The following EEA1 variants were observed in gnomAD, a reference collection of about 807,000 sequenced individuals.
The protein encoded by EEA1 is early endosome antigen 1.
EEA1 carries 111 observed loss-of-function variants against 209.2 expected under a neutral mutation model. The ratio of observed to expected loss-of-function variants is 0.53; its 90% CI spans 0.45 to 0.62. EEA1 has a LOEUF of 0.62. Among genes scored for constraint, EEA1 ranks in the 20% least tolerant of loss-of-function variants. The pLI is 0.00. For missense variants in EEA1, 1,343 were observed against 1,530.8 expected (o/e 0.88, Z 2.05); for synonymous variants, 536 against 540.6 (o/e 0.99, Z 0.12).
At position 92,805,743 on chromosome 12, in the gene EEA1, C is replaced by T. The variant is rs74976548; in HGVS notation, c.2340-3009G>A. Reference sequence around the variant, plus strand: ...AGACTAATTCTACCTTGGGAGTGAACGAATGATGCTGCAGCTAAGCACTTC... The same window carrying T: ...AGACTAATTCTACCTTGGGAGTGAATGAATGATGCTGCAGCTAAGCACTTC... On this transcript the variant is annotated intron_variant, in intron 18 of 28. Transcript: ENST00000322349. Among the ~76,000 whole-genome samples the T allele has an allele frequency of 3.6e-3, 555 of 152,214 alleles. 2 individuals are homozygous for T. Among genetic ancestry groups the T allele is most frequent in the African/African-American group, 0.013 (530 of 41,516 alleles).
Position 92,779,295 on chromosome 12 carries a change from T to C in EEA1, c.3474A>G (p.Ile1158Met), listed in dbSNP as rs1384427094. 6.3e-7 allele frequency: 1 copy of C among 1,584,692 alleles called. No individual in the cohort carries two copies. Among genetic ancestry groups the C allele is most frequent in the Non-Finnish European group, 8.5e-7 (1 of 1,172,552 alleles). The change falls in exon 25 of 29, where the codon ATA becomes ATG. Residue 1158 changes from isoleucine (I) to methionine (M), a missense_variant. This residue lies in a region of EEA1 where 1,307 missense variants were observed against 1,465.5 expected (regional missense o/e 0.89). Transcript: ENST00000322349. ...KSHKLESIKEITNLKDAKQLL... is the reference protein window; with the variant it reads ...KSHKLESIKEMTNLKDAKQLL... ...GCTGTTTAGCATCTTTAAGATTTGT[T>C]ATCTCCTGTTGAAAAAGTAGGGCCA...
Position 92,896,059 on chromosome 12 carries a change from C to A in EEA1, c.25-4338G>T, listed in dbSNP as rs185411015. Among the ~76,000 whole-genome samples the A allele has an allele frequency of 5.8e-3, 881 of 151,992 alleles. 7 individuals are homozygous for A. The highest frequency in any genetic ancestry group is 0.02 in the African/African-American group (842 of 41,428). On this transcript the variant is annotated intron_variant, in intron 1 of 28. Transcript: ENST00000322349. ...TGTGATCTCAGCTCACTGCAACCTC[C>A]ACCTCCCAGGTTCAAGCGATTCTCC... is the stretch of plus-strand genomic sequence containing the variant.
At chr12:92,857,538 A>G in intron 3 of EEA1, 53 bp from the exon 4 acceptor site, 3 of 1,204,126 alleles carry the variant, frequency 2.5e-6, no homozygotes, top group East Asian at 5.0e-5. Flanking sequence ...TAATTAACAA[A>G]CTGGTCTTAA....
At chr12:92,864,544 TAA>T in intron 3 of EEA1, among the ~76,000 whole-genome samples, 1 of 152,202 alleles carries the variant, frequency 6.6e-6, no homozygotes, top group Non-Finnish European at 1.5e-5. Context: ...CAACTTACTA[TAA>T]AGTCATCTAA....
At chr12:92,883,661 C>T in intron 2 of EEA1, 3 of 625,952 alleles carry the variant, frequency 4.8e-6, no homozygotes, top group African/African-American at 1.8e-5. Flanking sequence ...ATTTTCTTTT[C>T]TCTATCTTAC....
intron 11 of EEA1, among the ~76,000 whole-genome samples, chr12:92,831,505 GATATGAATAAT>G (rs1876629347): frequency 3.4e-5 from 5 of 147,220 alleles, no homozygotes; most frequent in Admixed American, 1.4e-4. Context: ...TATAATATAT[GATATGAATAAT>G]ATATGAATTA....
chr12:92,903,228 C>T (rs982206767), intron 1 of EEA1, among the ~76,000 whole-genome samples: 10 of 151,940 alleles, frequency 6.6e-5, no homozygotes, highest in African/African-American at 2.2e-4. Context: ...TGAGCCACCG[C>T]GCCCGGCCTG....
At chr12:92,907,545 C>A (rs1387029528) in intron 1 of EEA1, among the ~76,000 whole-genome samples, 2 of 152,158 alleles carry the variant, frequency 1.3e-5, no homozygotes, top group African/African-American at 4.8e-5. Context: ...TTCTCCATCT[C>A]CTTGGCCACT....
chr12:92,777,728 T>TA (rs1873719231), intron 26 of EEA1, 65 bp from the exon 27 acceptor site: 2 of 1,480,000 alleles, frequency 1.4e-6, no homozygotes, highest in Non-Finnish European at 9.1e-7. Flanking sequence ...TTCTAGGGTA[T>TA]AGATAATGGA....
At chr12:92,855,361 C>T (rs1402083296) in intron 5 of EEA1, among the ~76,000 whole-genome samples, 2 of 148,906 alleles carry the variant, frequency 1.3e-5, no homozygotes, top group Non-Finnish European at 1.5e-5. Context: ...ACATGGGAGG[C>T]GGAGCTTGCA....
chr12:92,875,667 C>T (rs944064581), intron 2 of EEA1, among the ~76,000 whole-genome samples: 1 of 152,118 alleles, frequency 6.6e-6, no homozygotes, highest in Non-Finnish European at 1.5e-5. Context: ...CAAATCTTGT[C>T]GTTTCCTTGC....
rs1274555557 is a variant in EEA1, at chr12:92,801,616, A to G, written c.2756T>C (p.Leu919Pro). The G allele has an allele frequency of 6.3e-7, 1 of 1,586,934 alleles. No individual in the cohort carries two copies. The highest frequency in any genetic ancestry group is 1.4e-5 in the African/African-American group (1 of 73,290). ...AAATCTTACCTCCTTCTCTTTTTCA[A>G]GTGACTTTTTCAGTTCCTTCTGTTC... ...LKEQKELKKS[L>P]EKEKEASHQL... is the part of the protein sequence containing the mutation. Residue 919 changes from leucine to proline, a missense_variant, in exon 20 of 29, where the codon CTT (leucine) becomes CCT (proline). Coordinates refer to ENST00000322349, the MANE Select transcript of EEA1 (RefSeq NM_003566.4).
At chr12:92,782,751 G>A (rs1010496542) in intron 22 of EEA1, among the ~76,000 whole-genome samples, 2 of 152,130 alleles carry the variant, frequency 1.3e-5, no homozygotes, top group Admixed American at 6.5e-5. Flanking sequence ...ACAGAATCTC[G>A]TCTCCTGCCC....
At chr12:92,928,089 C>A (rs1431885075) in intron 1 of EEA1, among the ~76,000 whole-genome samples, 1 of 151,770 alleles carries the variant, frequency 6.6e-6, no homozygotes. Context: ...CTAATAGGCT[C>A]GGCACCTACT....
At chr12:92,829,784 AAAAAAAAAAAAAC>A (rs1170329601) in intron 11 of EEA1, among the ~76,000 whole-genome samples, 35 of 135,340 alleles carry the variant, frequency 2.6e-4, no homozygotes, top group Non-Finnish European at 4.8e-4. Context: ...GTCTTAAAAA[AAAAAAAAAAAAAC>A]AAAAAACAAG....
At chr12:92,906,255 C>T (rs1410941958) in intron 1 of EEA1, among the ~76,000 whole-genome samples, 1 of 151,968 alleles carries the variant, frequency 6.6e-6, no homozygotes, top group Non-Finnish European at 1.5e-5. Context: ...CCACACCTGA[C>T]TAATTTTTGT....
intron 1 of EEA1, among the ~76,000 whole-genome samples, chr12:92,901,851 G>A (rs1030793163): frequency 1.3e-5 from 2 of 152,118 alleles, no homozygotes; most frequent in Non-Finnish European, 2.9e-5. Context: ...TTACAGGCAT[G>A]AGCCACCGCA....
intron 1 of EEA1, among the ~76,000 whole-genome samples, chr12:92,924,201 CTTT>C (rs754907902): frequency 2.1e-5 from 2 of 94,532 alleles, no homozygotes; most frequent in Non-Finnish European, 4.2e-5. Flanking sequence ...ACATTTAAGA[CTTT>C]TTTTTTTTTT....
At chr12:92,884,108 T>A in intron 2 of EEA1, 1 of 1,212,424 alleles carries the variant, frequency 8.2e-7, no homozygotes, top group Non-Finnish European at 1.2e-6. Flanking sequence ...GTTGGTGGCA[T>A]TAAACAATGA....
Sources: gnomAD v4.1 joint callset for allele counts (sites outside exome capture counted in the v4.1 genomes callset) on GRCh38, gnomAD v4.1.1 for gene constraint, gnomAD v4.1.1 regional missense constraint, MANE v1.5 for transcripts, NCBI Gene and HGNC (gene_info 2026-07-23, HGNC 2026-07-21) for gene names.